Variants in C19orf47 observed in about 807,000 individuals in gnomAD.
C19orf47 encodes the protein chromosome 19 open reading frame 47, also known as uncharacterized protein C19orf47.
Under a neutral mutation model 32.3 loss-of-function variants are expected in C19orf47, and 18 were observed. That is an observed-to-expected ratio of 0.56 (90% CI 0.39 to 0.83). The LOEUF (loss-of-function observed/expected upper bound fraction) is 0.83, where lower values mean the gene tolerates loss of function less well. Among genes scored for constraint, C19orf47 ranks in the 40% least tolerant of loss-of-function variants. The pLI is 0.00. For missense variants in C19orf47, 484 were observed against 531.6 expected (o/e 0.91, Z 0.88); for synonymous variants, 202 against 211.1 (o/e 0.96, Z 0.37).
At chr19:40,343,405 G>C (rs554212182) in intron 1 of C19orf47, 1 of 151,474 alleles carries the variant, frequency 6.6e-6, no homozygotes, top group African/African-American at 2.4e-5. Context: ...GTGTGATCTC[G>C]GCAAGTGACT....
intron 5 of C19orf47, among the ~76,000 whole-genome samples, chr19:40,332,240 C>T (rs1428923681): frequency 6.6e-6 from 1 of 151,990 alleles, no homozygotes. Flanking sequence ...CACATGTAAT[C>T]CCAGATACTT....
rs533472977 is a variant in C19orf47, at chr19:40,335,240, A to G, written c.222+870T>C. On this transcript the variant is annotated intron_variant, in intron 4 of 8. Transcript: ENST00000683109. ...GGGCTGTGTGAGAAGCCCATTTCAAAGAGATCCAGGAAGGTGGGTCACTAT... is the reference window on the plus strand; with the variant it reads ...GGGCTGTGTGAGAAGCCCATTTCAAGGAGATCCAGGAAGGTGGGTCACTAT... Among the ~76,000 whole-genome samples the G allele has an allele frequency of 1.5e-4, 23 of 152,322 alleles. No homozygotes were observed. The East Asian group carries it at 3.9e-3, about 26-fold the overall frequency.
chr19:40,341,767 T>A, intron 2 of C19orf47, 72 bp downstream of exon 2: 1 of 1,527,162 alleles, frequency 6.5e-7, no homozygotes, highest in Non-Finnish European at 8.8e-7. Flanking sequence ...CATCCCATCA[T>A]CCCCCACCAA....
At chr19:40,305,622 G>A in the C19orf47 span, among the ~76,000 whole-genome samples, 1 of 152,114 alleles carries the variant, frequency 6.6e-6, no homozygotes, top group African/African-American at 2.4e-5. Context: ...TGTCTAAAAG[G>A]AAGCTCTTAC....
chr19:40,295,682 C>G, the C19orf47 span, among the ~76,000 whole-genome samples: 1 of 148,318 alleles, frequency 6.7e-6, no homozygotes, highest in Admixed American at 6.7e-5. Flanking sequence ...GTGATCCGCC[C>G]GCCTCAGCCT....
intron 7 of C19orf47, among the ~76,000 whole-genome samples, chr19:40,325,997 C>T (rs990413838): frequency 2.0e-5 from 3 of 152,202 alleles, no homozygotes; most frequent in Admixed American, 6.5e-5. Flanking sequence ...TATCTCCACT[C>T]GTCTCCTCTG....
In C19orf47 at chr19:40,320,854, G is replaced by A. The variant is rs938392977; in HGVS notation, c.*1028C>T. The A allele has an allele frequency of 2.0e-5, 3 of 152,486 alleles. No individual in the cohort carries two copies. The highest frequency in any genetic ancestry group is 7.2e-5 in the African/African-American group (3 of 41,396). 9.4% of individuals were successfully genotyped at this position (152,486 alleles called of 1,614,324 possible). On this transcript the variant is annotated 3_prime_UTR_variant, in exon 9 of 9. Transcript: ENST00000683109. ...GGGATAGAGTGACAAAACCACTACG[G>A]CTTATTGGGGGCAGGGGGCGGCCTA...
chr19:40,346,972 C>T (rs936949083), intron 1 of C19orf47, among the ~76,000 whole-genome samples: 1 of 152,148 alleles, frequency 6.6e-6, no homozygotes. Flanking sequence ...AACAGTGGGA[C>T]AGTCACTGAC....
At chr19:40,335,994 C>T in intron 4 of C19orf47, 116 bp downstream of exon 4, 1 of 835,948 alleles carries the variant, frequency 1.2e-6, no homozygotes, top group Non-Finnish European at 1.9e-6. Context: ...AATGGCTGAA[C>T]CAGCCCTGGA....
intron 1 of C19orf47, 80 bp downstream of exon 1, chr19:40,348,244 C>T (rs2078367340): frequency 2.0e-6 from 2 of 1,002,258 alleles, no homozygotes; most frequent in South Asian, 2.3e-5. Flanking sequence ...CAACGGAGCC[C>T]GAACTGAGTC....
rs372052708 is a variant in C19orf47 at position 40,324,015 on chromosome 19, T to C, written c.654A>G (p.Thr218=). 4 of 1,614,096 alleles carry C rather than the reference T, an allele frequency of 2.5e-6. No individual in the cohort carries two copies. Among genetic ancestry groups the C allele is most frequent in the Non-Finnish European group, 3.4e-6 (4 of 1,180,028 alleles). ...LGAETKADTT[T]GSKPTGVFSR... ...CCCCATCCCCACTCACTTTACTCCC[T>C]GTCGTGGTGTCTGCCTTGGTCTCGG... is the stretch of plus-strand genomic sequence containing the variant. Residue 218 remains threonine (T), a synonymous_variant, in exon 8 of 9, where the codon ACA becomes ACG. Transcript: ENST00000683109.
the C19orf47 span, chr19:40,299,558 T>C: frequency 6.6e-6 from 1 of 152,200 alleles, no homozygotes; most frequent in Non-Finnish European, 1.5e-5. Context: ...ATTCCAACTT[T>C]AGTATATGTG....
intron 2 of C19orf47, 78 bp downstream of exon 2, chr19:40,341,761 C>T (rs2091423562): frequency 6.5e-7 from 1 of 1,526,858 alleles, no homozygotes; most frequent in African/African-American, 1.4e-5. Context: ...CTCCCCCATC[C>T]CATCATCCCC....
chr19:40,348,282 C>T (rs2078369547), intron 1 of C19orf47, 42 bp downstream of exon 1: 5 of 1,292,582 alleles, frequency 3.9e-6, no homozygotes, highest in Non-Finnish European at 4.9e-6. Flanking sequence ...CCCGTCCCTA[C>T]CGCAACCGGC....
At chr19:40,329,459 T>C (rs1002183471) in intron 5 of C19orf47, among the ~76,000 whole-genome samples, 3 of 152,010 alleles carry the variant, frequency 2.0e-5, no homozygotes, top group African/African-American at 7.2e-5. Context: ...TGAGCTGTGA[T>C]CGCACTACTG....
At chr19:40,323,815 G>T (rs970956834) in intron 8 of C19orf47, among the ~76,000 whole-genome samples, 191 bp downstream of exon 8, 1 of 152,198 alleles carries the variant, frequency 6.6e-6, no homozygotes, top group African/African-American at 2.4e-5. Flanking sequence ...CCCCAGGGCT[G>T]GAAACTGGGA....
chr19:40,308,782 TAC>T, the C19orf47 span, among the ~76,000 whole-genome samples: 2 of 150,628 alleles, frequency 1.3e-5, no homozygotes, highest in African/African-American at 4.9e-5. Flanking sequence ...TTTATAAGAA[TAC>T]ACAACAAAAG....
At chr19:40,309,739 T>C in the C19orf47 span, among the ~76,000 whole-genome samples, 1 of 150,714 alleles carries the variant, frequency 6.6e-6, no homozygotes, top group Admixed American at 6.6e-5. Flanking sequence ...TAAAAGGAGC[T>C]TTTTCCAATA....
Position 40,326,414 on chromosome 19 carries a change from T to C in C19orf47, c.512A>G (p.Glu171Gly). ...AKRRRVTAEMEGKYVINMPKG... is the reference protein window; with the variant it reads ...AKRRRVTAEMGGKYVINMPKG... ...GGGCATGTTGATGACGTACTTCCCC[T>C]CCATCTCAGCAGTGACCCGGCGCCG... Residue 171 changes from glutamate (E) to glycine (G), a missense_variant, in exon 7 of 9, where the codon GAG becomes GGG. By Grantham distance (98) the Glu-to-Gly change is moderately conservative (BLOSUM62 -2). This residue lies in a region of C19orf47 where 376 missense variants were observed against 370.2 expected (regional missense o/e 1.02). Coordinates refer to ENST00000683109, the MANE Select transcript of C19orf47 (RefSeq NM_001256441.2). 1 of 1,614,148 alleles carries C rather than the reference T, an allele frequency of 6.2e-7. No homozygotes were observed. Among genetic ancestry groups the C allele is most frequent in the Non-Finnish European group, 8.5e-7 (1 of 1,180,028 alleles).
Sources: allele counts gnomAD v4.1 joint callset (sites outside exome capture counted in the v4.1 genomes callset), GRCh38; gene constraint gnomAD v4.1.1; regional missense constraint gnomAD v4.1.1; transcripts MANE v1.5; gene names NCBI Gene and HGNC (gene_info 2026-07-23, HGNC 2026-07-21).